Variants in DHX9 observed in about 807,000 individuals in gnomAD.
DHX9 encodes ATP-dependent RNA helicase A.
DHX9 carries 27 observed loss-of-function variants against 148.7 expected under a neutral mutation model. The observed-to-expected ratio is 0.18, with a 90% CI of 0.13 to 0.25. The LOEUF (loss-of-function observed/expected upper bound fraction) is 0.25, where lower values mean the gene tolerates loss of function less well. Ranked by LOEUF, DHX9 falls within the 10% of genes least tolerant of loss-of-function variation. DHX9 has a pLI of 1.00. For missense variants in DHX9, 796 were observed against 1,559.6 expected, an observed-to-expected ratio of 0.51 and a Z score of 8.25; for synonymous variants, 529 against 516.6, an observed-to-expected ratio of 1.02 and a Z score of -0.33.
At chr1:182,872,560 A>C (rs1470326264) in intron 15 of DHX9, 67 bp downstream of exon 15, 12 of 1,472,528 alleles carry the variant, frequency 8.1e-6, no homozygotes. Context: ...TTAATCCTGG[A>C]GATTGGAGTT....
rs1289810821 is a variant in DHX9 at position 182,887,681 on chromosome 1, T to G, written c.*247T>G. On this transcript the variant is annotated 3_prime_UTR_variant, in exon 28 of 28. Coordinates refer to ENST00000367549, the MANE Select transcript of DHX9 (RefSeq NM_001357.5). ...ATTTTTTCTTTAAGGAGTAAAGATTTGCCTTTAAATAACTTGGTATTTTCC... is the reference window on the plus strand; with the variant it reads ...ATTTTTTCTTTAAGGAGTAAAGATTGGCCTTTAAATAACTTGGTATTTTCC... 1 of 416,670 alleles carries G rather than the reference T, an allele frequency of 2.4e-6. No individual in the cohort carries two copies. The highest frequency in any genetic ancestry group is 4.3e-6 in the Non-Finnish European group (1 of 232,014). 25.8% of individuals were successfully genotyped at this position (416,670 alleles called of 1,614,324 possible).
chr1:182,881,311 A>G lies in DHX9; in HGVS notation c.2672A>G (p.Glu891Gly). The change falls in exon 23 of 28, where the codon GAG (glutamate) becomes GGG (glycine). Residue 891 changes from glutamate to glycine, a missense_variant. By Grantham distance (98) the Glu-to-Gly change is moderately conservative (BLOSUM62 -2). Transcript: ENST00000367549. ...CTIAAATCFP[E>G]PFINEGKRLG... ...ATTGCTGCTGCTACCTGCTTTCCAG[A>G]GCCTTTCATCAATGAAGGAAAGCGG... is the stretch of plus-strand genomic sequence containing the variant. 1.2e-6 allele frequency: 2 copies of G among 1,614,126 alleles called. No homozygotes were observed. Among genetic ancestry groups the G allele is most frequent in the Non-Finnish European group, 1.7e-6 (2 of 1,180,002 alleles).
intron 3 of DHX9, among the ~76,000 whole-genome samples, chr1:182,851,076 C>A (rs777233428): frequency 2.0e-5 from 3 of 152,108 alleles, no homozygotes; most frequent in Non-Finnish European, 4.4e-5. Flanking sequence ...GTGAATTTTT[C>A]CTGTGCCTTG....
intron 3 of DHX9, among the ~76,000 whole-genome samples, chr1:182,844,239 A>C (rs1471291766): frequency 6.6e-6 from 1 of 152,254 alleles, no homozygotes; most frequent in Non-Finnish European, 1.5e-5. Context: ...GGCATGGGCC[A>C]CTGCACCTGG....
chr1:182,847,762 C>T (rs781102758), intron 3 of DHX9, among the ~76,000 whole-genome samples: 5 of 152,172 alleles, frequency 3.3e-5, no homozygotes, highest in Non-Finnish European at 7.3e-5. Flanking sequence ...TGGAATTAGA[C>T]CCTTGATACT....
At chr1:182,857,277 A>T (rs1668270597) in intron 7 of DHX9, among the ~76,000 whole-genome samples, 2 of 152,228 alleles carry the variant, frequency 1.3e-5, no homozygotes. Flanking sequence ...TTGGCTAGTT[A>T]GGCAGAAAGA....
At chr1:182,858,068 T>C (rs1250300922) in intron 7 of DHX9, 36 bp from the exon 8 acceptor site, 2 of 1,590,734 alleles carry the variant, frequency 1.3e-6, no homozygotes, top group Admixed American at 3.6e-5. Context: ...CTCAGATGAT[T>C]TCTTTCTGTC....
At position 182,887,488 on chromosome 1, in the gene DHX9, A is replaced by G. The variant is rs1649389150; in HGVS notation, c.*54A>G. 8 of 1,473,720 alleles carry G rather than the reference A, an allele frequency of 5.4e-6. No individual in the cohort carries two copies. The highest frequency in any genetic ancestry group is 2.8e-5 in the African/African-American group (2 of 71,406). The allele number at this position is 1,473,720 out of a possible 1,614,324, so 91.3% of individuals were successfully genotyped here. A position where few individuals can be genotyped will look rare whatever the true frequency, so the allele number is the denominator to read the frequency against. On this transcript the variant is annotated 3_prime_UTR_variant, in exon 28 of 28. Coordinates refer to ENST00000367549, the MANE Select transcript of DHX9 (RefSeq NM_001357.5). ...GACAGTAAGGAAAAAAAGGCATGCT[A>G]TGTGTTACGTGTTTTTTCCAGTATG...
intron 16 of DHX9, 93 bp downstream of exon 16, chr1:182,875,047 C>T: frequency 9.9e-7 from 1 of 1,008,540 alleles, no homozygotes; most frequent in Admixed American, 2.0e-5. Context: ...ATTAGCATTA[C>T]AGCAAACTTT....
chr1:182,866,815 T>C (rs1648315502), intron 13 of DHX9, 146 bp from the exon 14 acceptor site: 2 of 768,004 alleles, frequency 2.6e-6, no homozygotes, highest in African/African-American at 3.5e-5. Flanking sequence ...TATTTCATAG[T>C]ACACTATCAC....
intron 26 of DHX9, 34 bp from the exon 27 acceptor site, chr1:182,884,579 C>T: frequency 6.3e-7 from 1 of 1,583,960 alleles, no homozygotes; most frequent in Non-Finnish European, 8.7e-7. Context: ...ACATATACTC[C>T]CTCTCTTATT....
chr1:182,879,885 C>T (rs967045382), intron 21 of DHX9, among the ~76,000 whole-genome samples: 1 of 151,992 alleles, frequency 6.6e-6, no homozygotes, highest in Non-Finnish European at 1.5e-5. Context: ...ACCACCACAC[C>T]CGGCTAATTT....
intron 3 of DHX9, among the ~76,000 whole-genome samples, chr1:182,848,199 A>G (rs1365456879): frequency 6.6e-6 from 1 of 152,160 alleles, no homozygotes; most frequent in Non-Finnish European, 1.5e-5. Context: ...AACTCCTTCA[A>G]TGCTTTATTT....
intron 1 of DHX9, among the ~76,000 whole-genome samples, chr1:182,841,277 C>T (rs978933674): frequency 1.3e-5 from 2 of 150,596 alleles, no homozygotes; most frequent in Admixed American, 1.3e-4. Context: ...AGCGACAGAA[C>T]GAGACTCCGT....
chr1:182,862,280 T>C (rs1668376166), intron 12 of DHX9, among the ~76,000 whole-genome samples: 1 of 152,186 alleles, frequency 6.6e-6, no homozygotes, highest in Non-Finnish European at 1.5e-5. Flanking sequence ...GACTGGCGTA[T>C]AACAGAATGA....
At chr1:182,865,279 C>T (rs576890978) in intron 12 of DHX9, among the ~76,000 whole-genome samples, 6 of 152,266 alleles carry the variant, frequency 3.9e-5, no homozygotes, top group African/African-American at 9.6e-5. Context: ...TTTCATGTAA[C>T]GCTATTTTTC....
At position 182,866,544 on chromosome 1, in the gene DHX9, T is replaced by C. The variant is rs780068904; in HGVS notation, c.1433T>C (p.Ile478Thr). 6.2e-7 allele frequency: 1 copy of C among 1,614,242 alleles called. No individual in the cohort carries two copies. Among genetic ancestry groups the C allele is most frequent in the Non-Finnish European group, 8.5e-7 (1 of 1,180,036 alleles). ...GGCTACAGCGTTCGATTTGAGTCTA[T>C]ACTTCCTCGTCCTCATGCCAGTATA... is the stretch of plus-strand genomic sequence containing the variant. ...SCGYSVRFES[I>T]LPRPHASIMF... The change falls in exon 13 of 28, where the codon ATA becomes ACA. Residue 478 changes from isoleucine to threonine, a missense_variant. Physicochemically the swap from Ile to Thr is moderately conservative, Grantham distance 89. This residue lies in a region of DHX9 where 58 missense variants were observed against 122.8 expected (regional missense o/e 0.47). Coordinates refer to ENST00000367549, the MANE Select transcript of DHX9 (RefSeq NM_001357.5).
intron 12 of DHX9, among the ~76,000 whole-genome samples, chr1:182,862,352 C>A (rs1377243225): frequency 1.3e-5 from 2 of 152,162 alleles, no homozygotes; most frequent in African/African-American, 4.8e-5. Context: ...TGAATTTTAT[C>A]CTTCGGTCTA....
At position 182,842,759 on chromosome 1, in the gene DHX9, T is replaced by C. The variant is rs151200545; in HGVS notation, c.111+82T>C. 19 of 1,070,750 alleles carry C rather than the reference T, an allele frequency of 1.8e-5. No individual in the cohort carries two copies. In the East Asian group the frequency reaches 3.9e-4, roughly 22 times the overall value. The allele number at this position is 1,070,750 out of a possible 1,614,324, so 66.3% of individuals were successfully genotyped here. A position where few individuals can be genotyped will look rare whatever the true frequency, so the allele number is the denominator to read the frequency against. On this transcript the variant is annotated intron_variant, in intron 2 of 27. Coordinates refer to ENST00000367549, the MANE Select transcript of DHX9 (RefSeq NM_001357.5). ...AAGAAAAATGTTTTCTGTTTGGAGA[T>C]GTTAATGTGTTGCACATTAGGAAAC...
Sources: gnomAD v4.1 joint callset for allele counts (sites outside exome capture counted in the v4.1 genomes callset) on GRCh38, gnomAD v4.1.1 for gene constraint, gnomAD v4.1.1 regional missense constraint, MANE v1.5 for transcripts, NCBI Gene and HGNC (gene_info 2026-07-23, HGNC 2026-07-21) for gene names.